Variants in DLG2 observed in about 807,000 individuals in gnomAD.
DLG2 encodes the protein disks large homolog 2.
In DLG2, 45 loss-of-function variants were observed where a neutral mutation model predicts 132.5. The ratio of observed to expected loss-of-function variants is 0.34; its 90% confidence interval spans 0.27 to 0.44. The LOEUF is 0.44. Ranked by LOEUF, DLG2 falls within the 20% of genes least tolerant of loss-of-function variation. The pLI, the probability that DLG2 is intolerant of heterozygous loss-of-function variation, is 1.00. For synonymous variants in DLG2, 424 were observed against 419.6 expected (o/e 1.01, Z -0.13); for missense variants, 1,045 against 1,196.9 (o/e 0.87, Z 1.87).
At chr11:85,221,941 CTT>C (rs144785365) in intron 4 of DLG2, among the ~76,000 whole-genome samples, 1 of 146,828 alleles carries the variant, frequency 6.8e-6, no homozygotes. Context: ...TTCTTTCTTT[CTT>C]TTTTTTTTTC....
intron 3 of DLG2, among the ~76,000 whole-genome samples, chr11:85,528,206 A>G (rs1397354585): frequency 6.6e-6 from 1 of 152,146 alleles, no homozygotes; most frequent in Admixed American, 6.5e-5. Context: ...CCATTTGTCA[A>G]TTTTGGCTTT....
intron 20 of DLG2, among the ~76,000 whole-genome samples, chr11:83,540,086 T>C (rs2096017345): frequency 6.6e-6 from 1 of 152,180 alleles, no homozygotes; most frequent in Non-Finnish European, 1.5e-5. Flanking sequence ...TGACCTGACA[T>C]CTATTTCCGC....
chr11:85,025,957 T>C (rs2060479846), intron 6 of DLG2, among the ~76,000 whole-genome samples: 1 of 151,956 alleles, frequency 6.6e-6, no homozygotes, highest in Admixed American at 6.6e-5. Context: ...CTCTTGACAT[T>C]ATATTCAAAA....
intron 7 of DLG2, among the ~76,000 whole-genome samples, chr11:84,393,004 T>C (rs1289190463): frequency 6.6e-6 from 1 of 152,196 alleles, no homozygotes; most frequent in Non-Finnish European, 1.5e-5. Context: ...TAAAAAGACA[T>C]TGGTACTCAT....
chr11:83,830,027 G>C lies in DLG2; in HGVS notation c.1722+3587C>G, dbSNP rs143907352. Among the ~76,000 whole-genome samples, 864 of 152,186 alleles carry C rather than the reference G, an allele frequency of 5.7e-3. 10 individuals are homozygous for C. The highest frequency in any genetic ancestry group is 0.018 in the African/African-American group (742 of 41,524). Reference sequence around the variant, plus strand: ...TTTTCTGTCCTTGCGATAGTTTGCTGAGAATGATGGTTTCCAGAAGCTAGC... The same window carrying C: ...TTTTCTGTCCTTGCGATAGTTTGCTCAGAATGATGGTTTCCAGAAGCTAGC... On this transcript the variant is annotated intron_variant, in intron 17 of 27. Transcript: ENST00000376104.
intron 22 of DLG2, among the ~76,000 whole-genome samples, chr11:83,482,423 G>A (rs989098832): frequency 1.3e-5 from 2 of 152,074 alleles, no homozygotes; most frequent in Non-Finnish European, 2.9e-5. Flanking sequence ...AATGGGGTTA[G>A]TTATTAAAGA....
At chr11:84,119,280 C>T (rs1055744730) in intron 9 of DLG2, among the ~76,000 whole-genome samples, 1 of 152,086 alleles carries the variant, frequency 6.6e-6, no homozygotes, top group African/African-American at 2.4e-5. Flanking sequence ...TATTTCACAG[C>T]ACTTAATATT....
rs111803839 is a variant in DLG2 at position 84,369,163 on chromosome 11, A to C, written c.520-117872T>G. 3.4e-3 allele frequency among the ~76,000 whole-genome samples: 518 copies of C among 152,174 alleles called. 10 individuals carry two copies. The highest frequency in any genetic ancestry group is 0.031 in the East Asian group (159 of 5,164). On this transcript the variant is annotated intron_variant, in intron 7 of 27. Coordinates refer to ENST00000376104, the MANE Select transcript of DLG2 (RefSeq NM_001142699.3). ...TACCTTATATAACTTAGATAAGTTTATTTAAATACACAAATCTGTGAGTTT... is the reference window on the plus strand; with the variant it reads ...TACCTTATATAACTTAGATAAGTTTCTTTAAATACACAAATCTGTGAGTTT...
chr11:83,513,322 T>G (rs913992768), intron 21 of DLG2, among the ~76,000 whole-genome samples: 1 of 152,256 alleles, frequency 6.6e-6, no homozygotes, highest in East Asian at 1.9e-4. Context: ...AGCATAAATG[T>G]CTTCTTTTGA....
At chr11:84,375,877 C>A (rs1217303905) in intron 7 of DLG2, among the ~76,000 whole-genome samples, 1 of 151,984 alleles carries the variant, frequency 6.6e-6, no homozygotes, top group Non-Finnish European at 1.5e-5. Flanking sequence ...CACATTATTG[C>A]AGAGCCTTTC....
intron 6 of DLG2, among the ~76,000 whole-genome samples, chr11:84,662,310 G>A (rs968714867): frequency 6.6e-6 from 1 of 150,942 alleles, no homozygotes; most frequent in African/African-American, 2.4e-5. Context: ...CCAAGTAGCT[G>A]GGATTATAGG....
In DLG2 at chr11:83,657,849, T is replaced by C. The variant is rs2073121652; in HGVS notation, c.1826-24524A>G. Reference sequence around the variant, plus strand: ...GCCACCGCGCCCAGCCTATATTGTCTATTCTTAACAATCTTCTTGCTACCA... The same window carrying C: ...GCCACCGCGCCCAGCCTATATTGTCCATTCTTAACAATCTTCTTGCTACCA... On this transcript the variant is annotated intron_variant, in intron 18 of 27. Transcript: ENST00000376104. Among the ~76,000 whole-genome samples the C allele has an allele frequency of 2.0e-5, 3 of 152,182 alleles. No individual in the cohort carries two copies. In the South Asian group the frequency reaches 6.2e-4, roughly 31 times the overall value.
chr11:85,011,167 A>G (rs2059121839), intron 6 of DLG2, among the ~76,000 whole-genome samples: 1 of 152,158 alleles, frequency 6.6e-6, no homozygotes, highest in Admixed American at 6.5e-5. Flanking sequence ...GAGAACCACA[A>G]AAACTACTTC....
At chr11:83,579,672 A>G (rs181446066) in intron 19 of DLG2, among the ~76,000 whole-genome samples, 259 of 152,220 alleles carry the variant, frequency 1.7e-3, no homozygotes, top group Non-Finnish European at 2.9e-3. Flanking sequence ...AATAAATAAA[A>G]TAAATAAGTA....
chr11:83,620,681 T>C (rs2061481467), intron 19 of DLG2, among the ~76,000 whole-genome samples: 1 of 151,404 alleles, frequency 6.6e-6, no homozygotes, highest in African/African-American at 2.4e-5. Flanking sequence ...CCATCCCGGC[T>C]AAAACGGTGA....
chr11:83,855,374 A>G (rs2060373325), intron 16 of DLG2, among the ~76,000 whole-genome samples: 1 of 152,246 alleles, frequency 6.6e-6, no homozygotes, highest in Non-Finnish European at 1.5e-5. Flanking sequence ...CTGCATGTGA[A>G]TAGTTCTAGC....
chr11:85,134,003 G>GA (rs2075948334), intron 5 of DLG2, among the ~76,000 whole-genome samples: 1 of 151,974 alleles, frequency 6.6e-6, no homozygotes, highest in Non-Finnish European at 1.5e-5. Flanking sequence ...TCAGAAAGGA[G>GA]AGAGGGGGTG....
chr11:83,605,022 A>AGAGAGAGAGAGAGAGAGG (rs1555236912), intron 19 of DLG2, among the ~76,000 whole-genome samples: 7 of 151,526 alleles, frequency 4.6e-5, no homozygotes, highest in African/African-American at 1.7e-4. Flanking sequence ...AGAGAGAGAG[A>AGAGAGAGAGAGAGAGAGG]GAGAGAGAGA....
intron 19 of DLG2, among the ~76,000 whole-genome samples, chr11:83,554,080 G>T (rs2096462103): frequency 6.6e-6 from 1 of 151,878 alleles, no homozygotes; most frequent in African/African-American, 2.4e-5. Flanking sequence ...GCTAGGTCTT[G>T]CTTTGTTGGC....
Sources: gnomAD v4.1 joint callset for allele counts (sites outside exome capture counted in the v4.1 genomes callset) on GRCh38, gnomAD v4.1.1 for gene constraint, MANE v1.5 for transcripts, NCBI Gene and HGNC (gene_info 2026-07-23, HGNC 2026-07-21) for gene names.